Variants in COL25A1 observed in about 807,000 individuals in gnomAD.
The protein encoded by COL25A1 is collagen alpha-1(XXV) chain.
Under a neutral mutation model 128.4 loss-of-function variants are expected in COL25A1, and 103 were observed. The observed-to-expected ratio is 0.80, with a 90% CI of 0.68 to 0.94. COL25A1 has a LOEUF of 0.94. Among genes scored for constraint, COL25A1 ranks in the 40% least tolerant of loss-of-function variants. COL25A1 has a pLI of 0.00. For missense variants in COL25A1, 745 were observed against 840.0 expected (o/e 0.89, Z 1.40); for synonymous variants, 279 against 277.2 (o/e 1.01, Z -0.06).
intron 3 of COL25A1, among the ~76,000 whole-genome samples, chr4:109,214,479 C>T (rs1777828490): frequency 6.6e-6 from 1 of 152,028 alleles, no homozygotes; most frequent in South Asian, 2.1e-4. Flanking sequence ...TAACCAGTAA[C>T]ACTGAGAAAA....
intron 3 of COL25A1, among the ~76,000 whole-genome samples, chr4:109,158,113 AT>A (rs1289726373): frequency 6.6e-6 from 1 of 152,178 alleles, no homozygotes; most frequent in African/African-American, 2.4e-5. Context: ...TTTTCTTTGA[AT>A]TTTTTATACA....
chr4:109,117,199 T>C (rs956568946), intron 3 of COL25A1, among the ~76,000 whole-genome samples: 1 of 151,906 alleles, frequency 6.6e-6, no homozygotes, highest in African/African-American at 2.4e-5. Flanking sequence ...GGTATACATA[T>C]CACATTCAAA....
intron 3 of COL25A1, among the ~76,000 whole-genome samples, chr4:109,291,830 A>G (rs1724499677): frequency 6.6e-6 from 1 of 152,078 alleles, no homozygotes. Flanking sequence ...TTTCTAACGA[A>G]CAGTACCATG....
In COL25A1 at chr4:108,879,996, A is replaced by C. The variant is rs184288035; in HGVS notation, c.1020+4182T>G. Among the ~76,000 whole-genome samples, 1,458 of 150,610 alleles carry C rather than the reference A, an allele frequency of 9.7e-3. 11 individuals carry two copies. Among genetic ancestry groups the C allele is most frequent in the Non-Finnish European group, 0.014 (925 of 67,686 alleles). ...GCTAATTTTTGTATTTTTAGTAGAGATGGGGTTTCACCTTGTTGGTCAGGC... is the reference window on the plus strand; with the variant it reads ...GCTAATTTTTGTATTTTTAGTAGAGCTGGGGTTTCACCTTGTTGGTCAGGC... On this transcript the variant is annotated intron_variant, in intron 19 of 37. Coordinates refer to ENST00000399132, the MANE Select transcript of COL25A1 (RefSeq NM_198721.4).
At chr4:109,016,615 C>G (rs912140470) in intron 5 of COL25A1, among the ~76,000 whole-genome samples, 1 of 152,136 alleles carries the variant, frequency 6.6e-6, no homozygotes, top group African/African-American at 2.4e-5. Flanking sequence ...CAGACTCACA[C>G]AGACATGGGG....
At position 108,841,399 on chromosome 4, in the gene COL25A1, T is replaced by A. The variant is rs2123366; in HGVS notation, c.1656+296A>T. On this transcript the variant is annotated intron_variant, in intron 31 of 37. Coordinates refer to ENST00000399132, the MANE Select transcript of COL25A1 (RefSeq NM_198721.4). ...AAGCATCTAGACTAGTCTGAGAATC[T>A]CATCAGATTCACTTCTAAATGGTTG... Among the ~76,000 whole-genome samples the A allele has an allele frequency of 0.48, 72,749 of 151,902 alleles. 19,099 individuals are homozygous for A. Among genetic ancestry groups the A allele is most frequent in the South Asian group, 0.67 (3,245 of 4,810 alleles).
chr4:108,843,737 ATT>A (rs1734734324), intron 30 of COL25A1, among the ~76,000 whole-genome samples: 2 of 152,288 alleles, frequency 1.3e-5, no homozygotes, highest in Admixed American at 6.5e-5. Flanking sequence ...TTTTACAAAT[ATT>A]CTTTTTTAAA....
intron 3 of COL25A1, among the ~76,000 whole-genome samples, chr4:109,297,595 C>A (rs752815980): frequency 1.1e-4 from 16 of 151,990 alleles, no homozygotes; most frequent in Non-Finnish European, 2.4e-4. Flanking sequence ...GAATAATCTA[C>A]AGATACATTT....
intron 3 of COL25A1, among the ~76,000 whole-genome samples, chr4:109,077,440 C>T (rs771868149): frequency 6.6e-6 from 1 of 151,954 alleles, no homozygotes; most frequent in African/African-American, 2.4e-5. Flanking sequence ...ACCACCCCCC[C>T]GCCCCCAACA....
intron 16 of COL25A1, among the ~76,000 whole-genome samples, chr4:108,896,432 T>C (rs1742155132): frequency 6.6e-6 from 1 of 152,240 alleles, no homozygotes; most frequent in Non-Finnish European, 1.5e-5. Flanking sequence ...ACATTTTCTA[T>C]AATTTTTGAT....
rs781781181 is a variant in COL25A1, at chr4:108,889,211, G to A, written c.975+10C>T. On this transcript the variant is annotated intron_variant, in intron 18 of 37. Transcript: ENST00000399132. ...AGACAGTAGGAACACACTAGAGATA[G>A]AGATATTACCTTTTGCCCTGGACGA... The A allele has an allele frequency of 4.3e-6, 7 of 1,611,804 alleles. No individual in the cohort carries two copies. Among genetic ancestry groups the A allele is most frequent in the Admixed American group, 1.7e-5 (1 of 59,990 alleles).
chr4:109,117,920 A>G (rs971768109), intron 3 of COL25A1, among the ~76,000 whole-genome samples: 9 of 151,922 alleles, frequency 5.9e-5, no homozygotes, highest in African/African-American at 2.2e-4. Flanking sequence ...AGATAAAAAT[A>G]AAAAAGAAGT....
Position 109,302,203 on chromosome 4 carries a change from G to T in COL25A1, c.-91C>A. ...GCTCAGCGTCCAGACCCGCAGGCGT[G>T]CACCATCCCCGCTTTCTTCTCTCCT... On this transcript the variant is annotated 5_prime_UTR_variant, in exon 1 of 38. Transcript: ENST00000399132. 2.9e-6 allele frequency: 2 copies of T among 690,618 alleles called. No individual in the cohort carries two copies. Among genetic ancestry groups the T allele is most frequent in the Non-Finnish European group, 2.3e-6 (1 of 439,392 alleles). The allele number at this position is 690,618 out of a possible 1,614,324, so 42.8% of individuals were successfully genotyped here.
At chr4:109,236,840 T>A (rs1304742003) in intron 3 of COL25A1, among the ~76,000 whole-genome samples, 1 of 152,050 alleles carries the variant, frequency 6.6e-6, no homozygotes, top group Non-Finnish European at 1.5e-5. Context: ...CTTTATTATA[T>A]CTAGTTCTCA....
Position 108,814,993 on chromosome 4 carries a change from G to C in COL25A1, c.1963-1064C>G, listed in dbSNP as rs570727249. On this transcript the variant is annotated intron_variant, in intron 37 of 37. Coordinates refer to ENST00000399132, the MANE Select transcript of COL25A1 (RefSeq NM_198721.4). ...GGCTGCTTTCTAATCTTCAGAGAAG[G>C]AGTTCACTCAATATTCTTGCCTGTC... Among the ~76,000 whole-genome samples, 36 of 152,224 alleles carry C rather than the reference G, an allele frequency of 2.4e-4. 1 individual carries two copies. The South Asian group carries it at 4.4e-3, about 18-fold the overall frequency.
intron 6 of COL25A1, among the ~76,000 whole-genome samples, chr4:109,000,838 A>T (rs1397766971): frequency 6.6e-6 from 1 of 150,756 alleles, no homozygotes; most frequent in African/African-American, 2.4e-5. Context: ...GTTAAGGGAG[A>T]GTAAAGACTT....
chr4:109,211,270 G>T (rs1195112487), intron 3 of COL25A1, among the ~76,000 whole-genome samples: 1 of 22,268 alleles, frequency 4.5e-5, no homozygotes, highest in South Asian at 1.4e-3. Context: ...GTATATATAT[G>T]AAACTATATA....
intron 3 of COL25A1, among the ~76,000 whole-genome samples, chr4:109,060,263 AG>A (rs1424413741): frequency 6.6e-6 from 1 of 152,176 alleles, no homozygotes; most frequent in Admixed American, 6.5e-5. Flanking sequence ...ATATTTAGTT[AG>A]GGGACTTTGA....
intron 29 of COL25A1, 62 bp downstream of exon 29, chr4:108,845,123 GGTAA>G (rs1734930480): frequency 7.5e-7 from 1 of 1,328,610 alleles, no homozygotes. Context: ...AGGTGGAATA[GGTAA>G]GTAACATGTC....
Sources: gnomAD v4.1 joint callset for allele counts (sites outside exome capture counted in the v4.1 genomes callset) on GRCh38, gnomAD v4.1.1 for gene constraint, MANE v1.5 for transcripts, NCBI Gene and HGNC (gene_info 2026-07-23, HGNC 2026-07-21) for gene names.